Variants in LRP1 observed in about 807,000 individuals in gnomAD.
LRP1 encodes the protein prolow-density lipoprotein receptor-related protein 1.
Under a neutral mutation model 541.5 loss-of-function variants are expected in LRP1, and 51 were observed. The ratio of observed to expected loss-of-function variants is 0.09; its 90% CI spans 0.08 to 0.12. The LOEUF is 0.12. Ranked by LOEUF, LRP1 falls within the 10% of genes least tolerant of loss-of-function variation. The pLI, the probability that LRP1 is intolerant of heterozygous loss-of-function variation, is 1.00. For synonymous variants in LRP1, 2,219 were observed against 2,470.8 expected (o/e 0.90, Z 3.02); for missense variants, 3,878 against 6,376.2 (o/e 0.61, Z 13.34).
chr12:57,205,531 T>C lies in LRP1; in HGVS notation c.11471-27T>C, dbSNP rs910422736. The C allele has an allele frequency of 1.2e-6, 2 of 1,613,490 alleles. No homozygotes were observed. Among genetic ancestry groups the C allele is most frequent in the Admixed American group, 3.3e-5 (2 of 60,014 alleles). On this transcript the variant is annotated intron_variant, in intron 74 of 88. Transcript: ENST00000243077. This position sits in a 1 kb window ranked among gnomAD's most constrained non-coding sequence, Gnocchi z 4.6. ...AGGGGTGGACACCCCAACTGTGGAC[T>C]CTCATGACCCTCCCTGTAACCCTTA...
At chr12:57,134,530 C>A (rs994462628) in intron 1 of LRP1, among the ~76,000 whole-genome samples, 2 of 152,128 alleles carry the variant, frequency 1.3e-5, no homozygotes, top group African/African-American at 4.8e-5. Context: ...CTGCTCACTG[C>A]GACCTCCGCC....
At position 57,143,811 on chromosome 12, in the gene LRP1, A is replaced by G; in HGVS notation, c.448+13A>G. The G allele has an allele frequency of 2.5e-6, 4 of 1,611,464 alleles. No homozygotes were observed. Among genetic ancestry groups the G allele is most frequent in the Non-Finnish European group, 3.4e-6 (4 of 1,178,490 alleles). On this transcript the variant is annotated intron_variant, in intron 4 of 88. Coordinates refer to ENST00000243077, the MANE Select transcript of LRP1 (RefSeq NM_002332.3). ...AAGACCTGCAAAGGTATGTGAGTGC[A>G]TGTGCCTGTGTGCATGTGTGTGTGC...
In LRP1 at chr12:57,158,132, T is replaced by G. The variant is rs1447314932; in HGVS notation, c.1562-270T>G. Among the ~76,000 whole-genome samples the G allele has an allele frequency of 6.6e-6, 1 of 152,204 alleles. No homozygotes were observed. The highest frequency in any genetic ancestry group is 1.5e-5 in the Non-Finnish European group (1 of 68,032). ...CCTTTTATACCACTGATTTCATGAC[T>G]GATCAGTGGGCACTTAGCTGAAAAC... On this transcript the variant is annotated intron_variant, in intron 10 of 88. Transcript: ENST00000243077. This position sits in a 1 kb window ranked among gnomAD's most constrained non-coding sequence, Gnocchi z 5.3.
At position 57,209,801 on chromosome 12, in the gene LRP1, C is replaced by A; in HGVS notation, c.12372C>A (p.Val4124=). ...KIHKFGHSPL[V]NLTGGLSHAS... Reference sequence around the variant, plus strand: ...ATAAGTTTGGCCACAGCCCCTTGGTCAACCTGACAGGGGGCCTGAGCCACG... The same window carrying A: ...ATAAGTTTGGCCACAGCCCCTTGGTAAACCTGACAGGGGGCCTGAGCCACG... Residue 4124 remains valine, a synonymous_variant, in exon 80 of 89, where the codon GTC becomes GTA. Coordinates refer to ENST00000243077, the MANE Select transcript of LRP1 (RefSeq NM_002332.3). The A allele has an allele frequency of 6.2e-7, 1 of 1,614,210 alleles. No homozygotes were observed. Among genetic ancestry groups the A allele is most frequent in the South Asian group, 1.1e-5 (1 of 91,070 alleles).
At position 57,203,402 on chromosome 12, in the gene LRP1, C is replaced by A; in HGVS notation, c.10832C>A (p.Pro3611His). The change falls in exon 70 of 89, where the codon CCC becomes CAC. Residue 3611 changes from proline (P) to histidine (H), a missense_variant. Transcript: ENST00000243077. ...CCATGCCCACAGAAAGACTGCACCC[C>A]CCGCTGTGACATGGACCAGTTCCAG... is the stretch of plus-strand genomic sequence containing the variant. ...ADGSDEKDCT[P>H]RCDMDQFQCK... The A allele has an allele frequency of 6.2e-7, 1 of 1,608,288 alleles. No individual in the cohort carries two copies. Among genetic ancestry groups the A allele is most frequent in the South Asian group, 1.1e-5 (1 of 90,596 alleles).
At position 57,200,419 on chromosome 12, in the gene LRP1, TCTTG is replaced by T; in HGVS notation, c.10015-21_10015-18del. The T allele has an allele frequency of 4.2e-6, 2 of 475,374 alleles. No individual in the cohort carries two copies. The highest frequency in any genetic ancestry group is 7.2e-6 in the Non-Finnish European group (2 of 277,900). 29.4% of individuals were successfully genotyped at this position (475,374 alleles called of 1,614,324 possible). ...AGTCCCCCAGACCCCCACCAACCCC[TCTTG>T]CCCCCACCTGCCCTCCAGTTTGTAT... is the stretch of plus-strand genomic sequence containing the variant. On this transcript the variant is annotated intron_variant, in intron 62 of 88. Transcript: ENST00000243077.
intron 1 of LRP1, 115 bp from the exon 2 acceptor site, chr12:57,138,344 G>GTC: frequency 7.6e-7 from 1 of 1,313,618 alleles, no homozygotes; most frequent in East Asian, 2.3e-5. Context: ...ATGGCTGAGG[G>GTC]TCTGGGCCAG....
Position 57,209,176 on chromosome 12 carries a change from T to G in LRP1, c.12239T>G (p.Ile4080Ser). 1 of 1,613,926 alleles carries G rather than the reference T, an allele frequency of 6.2e-7. No individual in the cohort carries two copies. Among genetic ancestry groups the G allele is most frequent in the Non-Finnish European group, 8.5e-7 (1 of 1,179,920 alleles). Residue 4080 changes from isoleucine to serine, a missense_variant, in exon 79 of 89, where the codon ATT becomes AGT. This residue lies in a region of LRP1 where 871 missense variants were observed against 1,212.4 expected (regional missense o/e 0.72). Transcript: ENST00000243077. ...GSIRLNGTDP[I>S]VAADSKRGLS... ...ATCCGGCTCAATGGCACGGACCCCA[T>G]TGTGGCTGCTGACAGCAAACGAGGT... is the stretch of plus-strand genomic sequence containing the variant.
rs1221715020 is a variant in LRP1, at chr12:57,190,874, T to A, written c.7101T>A (p.Asn2367Lys). 2 of 1,613,860 alleles carry A rather than the reference T, an allele frequency of 1.2e-6. No homozygotes were observed. Among genetic ancestry groups the A allele is most frequent in the African/African-American group, 2.7e-5 (2 of 74,908 alleles). The change falls in exon 43 of 89, where the codon AAT becomes AAA. Residue 2367 changes from asparagine (N) to lysine (K), a missense_variant. This residue lies in a region of LRP1 where 1,100 missense variants were observed against 1,827.4 expected (regional missense o/e 0.60). Coordinates refer to ENST00000243077, the MANE Select transcript of LRP1 (RefSeq NM_002332.3). ...TGCGGGCGGCGCTCTCGGGAGCCAA[T>A]GTCCTGACCCTTATCGAGAAGGACA... ...SIMRAALSGA[N>K]VLTLIEKDIR...
In LRP1 at chr12:57,208,235, G is replaced by A; in HGVS notation, c.12038+19G>A. 1.2e-6 allele frequency: 2 copies of A among 1,609,344 alleles called. No individual in the cohort carries two copies. The highest frequency in any genetic ancestry group is 1.7e-6 in the Non-Finnish European group (2 of 1,177,836). On this transcript the variant is annotated intron_variant, in intron 77 of 88. Transcript: ENST00000243077. Reference sequence around the variant, plus strand: ...TGAGGGGGTGGGCAAGGGCCCTGGGGGGAGGCCTCTGGGCTGGTGGTAGGA... The same window carrying A: ...TGAGGGGGTGGGCAAGGGCCCTGGGAGGAGGCCTCTGGGCTGGTGGTAGGA...
rs138464520 is a variant in LRP1, at chr12:57,154,386, G to A, written c.1004+16G>A. 7.8e-4 allele frequency: 1,245 copies of A among 1,602,690 alleles called. 8 individuals carry two copies. The African/African-American group carries it at 0.014, about 18-fold the overall frequency. On this transcript the variant is annotated intron_variant, in intron 7 of 88. Transcript: ENST00000243077. The surrounding 1 kb of genome is among the most constrained non-coding windows in gnomAD (Gnocchi z 4.6). ...CTGCCATGGGGTGAGAGTGGCAGGCGGGGTTCTGGCCCTGGAAGGTGGGAG... is the reference window on the plus strand; with the variant it reads ...CTGCCATGGGGTGAGAGTGGCAGGCAGGGTTCTGGCCCTGGAAGGTGGGAG...
At chr12:57,172,673 C>G (rs1182408100) in intron 20 of LRP1, among the ~76,000 whole-genome samples, 1 of 152,178 alleles carries the variant, frequency 6.6e-6, no homozygotes, top group African/African-American at 2.4e-5. Context: ...TCAGCTTCTA[C>G]CCAGCTTTAT....
rs545868364 is a variant in LRP1 at position 57,194,493 on chromosome 12, C to A, written c.8058C>A (p.Arg2686=). 36 of 1,605,830 alleles carry A rather than the reference C, an allele frequency of 2.2e-5. No individual in the cohort carries two copies. The South Asian group carries it at 3.7e-4, about 16-fold the overall frequency. ...ACTGTGGGGACTACAGTGATGAGCG[C>A]GACTGCCCAGGTGGGCGGGGGCAGG... is the stretch of plus-strand genomic sequence containing the variant. ...ANDCGDYSDE[R]DCPGVKRPRC... Residue 2686 remains arginine, a synonymous_variant, in exon 49 of 89, where the codon CGC becomes CGA. Transcript: ENST00000243077.
At position 57,179,125 on chromosome 12, in the gene LRP1, G is replaced by A. The variant is rs909870438; in HGVS notation, c.4738+104G>A. On this transcript the variant is annotated intron_variant, in intron 28 of 88. Transcript: ENST00000243077. The surrounding 1 kb of genome is among the most constrained non-coding windows in gnomAD (Gnocchi z 6.8). ...GCTAAGGCAGAGTCCCAGTCGGGAG[G>A]GTCCCGATAGGAGAGGCTCCAGAGA... The A allele has an allele frequency of 4.1e-6, 6 of 1,459,670 alleles. No homozygotes were observed. Among genetic ancestry groups the A allele is most frequent in the African/African-American group, 2.8e-5 (2 of 70,612 alleles). The allele number at this position is 1,459,670 out of a possible 1,614,324, so 90.4% of individuals were successfully genotyped here.
intron 2 of LRP1, among the ~76,000 whole-genome samples, chr12:57,139,101 A>T (rs1175902512): frequency 6.6e-6 from 1 of 152,184 alleles, no homozygotes; most frequent in Non-Finnish European, 1.5e-5. Context: ...AACTGGGAGA[A>T]AGGTCCCCGC....
rs769413255 is a variant in LRP1, at chr12:57,196,074, C to T, written c.8702-13C>T. ...TGAGACCCCGCTGACCTGCCGCCTC[C>T]GCCCCTCCGCAGAGCACAAGTGCAA... On this transcript the variant is annotated splice_polypyrimidine_tract_variant and intron_variant, in intron 54 of 88. Transcript: ENST00000243077. The T allele has an allele frequency of 1.1e-5, 18 of 1,609,420 alleles. No individual in the cohort carries two copies. Among genetic ancestry groups the T allele is most frequent in the South Asian group, 6.6e-5 (6 of 90,890 alleles).
intron 1 of LRP1, among the ~76,000 whole-genome samples, chr12:57,135,566 C>T (rs1268545219): frequency 6.6e-6 from 1 of 152,218 alleles, no homozygotes; most frequent in Non-Finnish European, 1.5e-5. Flanking sequence ...CTCCAGATTC[C>T]TGGGCCCTTC....
chr12:57,138,334 A>G lies in LRP1; in HGVS notation c.68-125A>G, dbSNP rs952027658. Reference sequence around the variant, plus strand: ...CCTGACACCCCCAGGCACATAGACCATGGCTGAGGGTCTGGGCCAGATGGA... The same window carrying G: ...CCTGACACCCCCAGGCACATAGACCGTGGCTGAGGGTCTGGGCCAGATGGA... On this transcript the variant is annotated intron_variant, in intron 1 of 88. Coordinates refer to ENST00000243077, the MANE Select transcript of LRP1 (RefSeq NM_002332.3). 16 of 1,190,670 alleles carry G rather than the reference A, an allele frequency of 1.3e-5. No individual in the cohort carries two copies. The Admixed American group carries it at 1.7e-4, about 13-fold the overall frequency. The allele number at this position is 1,190,670 out of a possible 1,614,324, so 73.8% of individuals were successfully genotyped here. A position where few individuals can be genotyped will look rare whatever the true frequency, so the allele number is the denominator to read the frequency against.
rs2036658800 is a variant in LRP1, at chr12:57,201,676, C to T, written c.10468+57C>T. 1 of 1,596,618 alleles carries T rather than the reference C, an allele frequency of 6.3e-7. No homozygotes were observed. Among genetic ancestry groups the T allele is most frequent in the African/African-American group, 1.3e-5 (1 of 74,708 alleles). On this transcript the variant is annotated intron_variant, in intron 66 of 88. Transcript: ENST00000243077. This position sits in a 1 kb window ranked among gnomAD's most constrained non-coding sequence, Gnocchi z 6.4. The stretch of plus-strand genomic sequence containing the variant: ...TCCCCAGTGTCTGCTGCTCACACCA[C>T]CCCGACGTGTGACCCCCTCAGTGGC...
Sources: allele counts gnomAD v4.1 joint callset (sites outside exome capture counted in the v4.1 genomes callset), GRCh38; gene constraint gnomAD v4.1.1; regional missense constraint gnomAD v4.1.1; non-coding constraint Gnocchi (gnomAD v3.1); transcripts MANE v1.5; gene names NCBI Gene and HGNC (gene_info 2026-07-23, HGNC 2026-07-21).